UMAD1: variants seen among roughly 807,000 people sequenced by gnomAD.
UMAD1 encodes the protein UBAP1-MVB12-associated (UMA) domain containing 1.
UMAD1 carries 8 observed loss-of-function variants against 6.1 expected under a neutral mutation model. The observed-to-expected ratio is 1.30, with a 90% CI of 0.76 to 2.35. The LOEUF (loss-of-function observed/expected upper bound fraction) is 2.35. UMAD1 is among the 30% of genes most tolerant of loss of function. UMAD1 has a pLI of 0.00. For synonymous variants in UMAD1, 56 were observed against 31.4 expected (o/e 1.78, Z -2.61); for missense variants, 130 against 78.4 (o/e 1.66, Z -2.49).
intron 2 of UMAD1, among the ~76,000 whole-genome samples, chr7:7,767,263 TA>T (rs1285059861): frequency 6.6e-5 from 10 of 151,878 alleles, no homozygotes; most frequent in Non-Finnish European, 1.2e-4. Flanking sequence ...TAGCTGGGAC[TA>T]ACAGGCACCT....
chr7:7,707,030 C>T (rs951077536), intron 2 of UMAD1, among the ~76,000 whole-genome samples: 2 of 152,132 alleles, frequency 1.3e-5, no homozygotes, highest in African/African-American at 4.8e-5. Context: ...GAAACAGAAA[C>T]ATGACTGTGT....
chr7:7,870,212 T>G (rs2115340063), intron 3 of UMAD1, among the ~76,000 whole-genome samples: 1 of 152,284 alleles, frequency 6.6e-6, no homozygotes, highest in East Asian at 1.9e-4. Flanking sequence ...AATAAGAATA[T>G]TAACTTTCTT....
chr7:7,789,437 A>G (rs1182503652), intron 2 of UMAD1, among the ~76,000 whole-genome samples: 2 of 151,640 alleles, frequency 1.3e-5, no homozygotes, highest in African/African-American at 2.4e-5. Context: ...TGTTTTAAAT[A>G]GAGAAAAACA....
At chr7:7,718,950 C>A (rs1282783541) in intron 2 of UMAD1, among the ~76,000 whole-genome samples, 1 of 152,012 alleles carries the variant, frequency 6.6e-6, no homozygotes, top group African/African-American at 2.4e-5. Flanking sequence ...TTAGAAACCA[C>A]TGATTACAAT....
intron 3 of UMAD1, among the ~76,000 whole-genome samples, chr7:7,857,117 A>G (rs1482591902): frequency 6.6e-6 from 1 of 152,222 alleles, no homozygotes; most frequent in Non-Finnish European, 1.5e-5. Context: ...AGGAAGTAAA[A>G]TATACACACG....
chr7:7,726,405 G>T (rs112625655), intron 2 of UMAD1, among the ~76,000 whole-genome samples: 5,508 of 152,314 alleles, frequency 0.036, 313 homozygotes, highest in African/African-American at 0.12. Flanking sequence ...TCATCCTGAA[G>T]TAGCTGGATT....
At chr7:7,688,226 C>G (rs1464725671) in intron 2 of UMAD1, among the ~76,000 whole-genome samples, 1 of 152,040 alleles carries the variant, frequency 6.6e-6, no homozygotes, top group Non-Finnish European at 1.5e-5. Flanking sequence ...TTAGATGTTG[C>G]TTTGGTTTAC....
chr7:7,787,749 G>T (rs1011823857), intron 2 of UMAD1, among the ~76,000 whole-genome samples: 23 of 152,310 alleles, frequency 1.5e-4, no homozygotes, highest in African/African-American at 5.5e-4. Context: ...CTTCTGGGAA[G>T]TATTTCCAAG....
intron 3 of UMAD1, among the ~76,000 whole-genome samples, chr7:7,876,514 G>C (rs1437933618): frequency 6.6e-6 from 1 of 152,108 alleles, no homozygotes; most frequent in Non-Finnish European, 1.5e-5. Flanking sequence ...ATAAATTTCA[G>C]TTTATTATCC....
intron 2 of UMAD1, chr7:7,741,955 G>T: frequency 7.2e-6 from 2 of 276,004 alleles, no homozygotes; most frequent in Non-Finnish European, 1.4e-5. Context: ...TAGTTATAGT[G>T]TTGAAAAAAT....
chr7:7,683,835 C>G (rs565635230), intron 2 of UMAD1, among the ~76,000 whole-genome samples: 34 of 152,252 alleles, frequency 2.2e-4, no homozygotes, highest in South Asian at 1.7e-3. Flanking sequence ...GTTGGCCAGG[C>G]CGGTCTCAAA....
chr7:7,772,511 A>C (rs2115244223), intron 2 of UMAD1: 1 of 152,328 alleles, frequency 6.6e-6, no homozygotes, highest in Non-Finnish European at 1.5e-5. Flanking sequence ...TTACATGCAT[A>C]CAGGGATGTT....
chr7:7,759,389 C>T (rs1781840584), intron 2 of UMAD1, among the ~76,000 whole-genome samples: 1 of 152,210 alleles, frequency 6.6e-6, no homozygotes, highest in Non-Finnish European at 1.5e-5. Flanking sequence ...CTTCATCCGG[C>T]ATCAGCCTGG....
chr7:7,809,380 T>C (rs1238742088), intron 3 of UMAD1, among the ~76,000 whole-genome samples: 1 of 152,022 alleles, frequency 6.6e-6, no homozygotes, highest in African/African-American at 2.4e-5. Flanking sequence ...TAGGGAAAAG[T>C]TGATTCTTTT....
intron 1 of UMAD1, among the ~76,000 whole-genome samples, chr7:7,670,122 T>C (rs770310978): frequency 5.9e-5 from 9 of 152,236 alleles, no homozygotes; most frequent in Non-Finnish European, 1.2e-4. Flanking sequence ...ATACTTGGGT[T>C]AAAAACAGGT....
intron 2 of UMAD1, among the ~76,000 whole-genome samples, chr7:7,761,476 A>G (rs1170190061): frequency 6.6e-6 from 1 of 152,200 alleles, no homozygotes; most frequent in East Asian, 1.9e-4. Context: ...GAAAATTATT[A>G]AAGATATGTC....
intron 2 of UMAD1, among the ~76,000 whole-genome samples, chr7:7,781,371 C>CT (rs999790902): frequency 8.1e-5 from 12 of 149,058 alleles, no homozygotes; most frequent in Middle Eastern, 3.5e-3. Context: ...GCTCCTCTTT[C>CT]TTTTTTTTTT....
rs536283568 is a variant in UMAD1, at chr7:7,711,284, C to A, written c.82+37831C>A. Among the ~76,000 whole-genome samples the A allele has an allele frequency of 6.6e-5, 10 of 152,316 alleles. 1 individual carries two copies. The highest frequency in any genetic ancestry group is 2.4e-4 in the African/African-American group (10 of 41,574). The stretch of plus-strand genomic sequence containing the variant: ...CTGAAAAAGTTCAATTAAAAGACAA[C>A]ATGATGCTGTTACAAACATCCTTGT... On this transcript the variant is annotated intron_variant, in intron 2 of 3. Coordinates refer to ENST00000682710, the MANE Select transcript of UMAD1 (RefSeq NM_001302348.2).
At chr7:7,715,800 A>G (rs1226924522) in intron 2 of UMAD1, among the ~76,000 whole-genome samples, 2 of 152,226 alleles carry the variant, frequency 1.3e-5, no homozygotes, top group Admixed American at 1.3e-4. Context: ...GAAAAGAAGT[A>G]TAAGACAGTA....
Sources: allele counts gnomAD v4.1 joint callset (sites outside exome capture counted in the v4.1 genomes callset), GRCh38; gene constraint gnomAD v4.1.1; transcripts MANE v1.5; gene names NCBI Gene and HGNC (gene_info 2026-07-23, HGNC 2026-07-21).